The following POLD1 variants were observed in gnomAD, a reference collection of about 807,000 sequenced individuals.
The protein encoded by POLD1 is DNA polymerase delta 1, catalytic subunit.
A neutral mutation model predicts 129.7 loss-of-function variants in POLD1; 79 were observed. That is an observed-to-expected ratio of 0.61 (90% confidence interval 0.51 to 0.73). The LOEUF is 0.73. POLD1 is among the 30% of genes least tolerant of loss of function. The pLI is 0.00. For missense variants in POLD1, 1,338 were observed against 1,595.8 expected (o/e 0.84, Z 2.75); for synonymous variants, 714 against 683.3 (o/e 1.04, Z -0.70).
At chr19:50,416,049 C>T in intron 22 of POLD1, 1 of 581,864 alleles carries the variant, frequency 1.7e-6, no homozygotes, top group Non-Finnish European at 3.0e-6. Context: ...AGTCCCTCCC[C>T]TGTGCATACA....
intron 3 of POLD1, among the ~76,000 whole-genome samples, chr19:50,399,969 CA>C (rs1434947166): frequency 5.3e-5 from 8 of 151,650 alleles, no homozygotes; most frequent in Admixed American, 1.3e-4. Flanking sequence ...TGCACACCAC[CA>C]TGCCTGGCTA....
At chr19:50,405,965 G>A (rs750980579) in intron 10 of POLD1, among the ~76,000 whole-genome samples, 3 of 152,102 alleles carry the variant, frequency 2.0e-5, no homozygotes, top group South Asian at 2.1e-4. Flanking sequence ...CCTGACTCTC[G>A]CTATCCCAGC....
rs750085275 is a variant in POLD1 at position 50,413,884 on chromosome 19, G to A, written c.2388+5G>A. 4.4e-5 allele frequency: 70 copies of A among 1,593,864 alleles called. No homozygotes were observed. In the Middle Eastern group the frequency reaches 6.7e-4, roughly 15 times the overall value. ...ATCCGGCTGGAGTTTGAGAAGGTGC[G>A]TGGCTGGGTCAGGGGCTCTGCATTT... is the stretch of plus-strand genomic sequence containing the variant. On this transcript the variant is annotated splice_donor_5th_base_variant and intron_variant, in intron 19 of 26. Coordinates refer to ENST00000440232, the MANE Select transcript of POLD1 (RefSeq NM_002691.4).
In POLD1 at chr19:50,398,839, C is replaced by G. The variant is rs778338383; in HGVS notation, c.-1-12C>G. The G allele has an allele frequency of 1.2e-6, 2 of 1,607,370 alleles. No individual in the cohort carries two copies. The highest frequency in any genetic ancestry group is 8.5e-7 in the Non-Finnish European group (1 of 1,178,496). ...GGTCAGAACCTCCACCAAGCTCCAA[C>G]TTGCCCAGCAGGATGGATGGCAAGC... is the stretch of plus-strand genomic sequence containing the variant. On this transcript the variant is annotated splice_polypyrimidine_tract_variant and intron_variant, in intron 1 of 26. Coordinates refer to ENST00000440232, the MANE Select transcript of POLD1 (RefSeq NM_002691.4).
At chr19:50,403,429 C>A in intron 9 of POLD1, 64 bp from the exon 10 acceptor site, 2 of 1,328,486 alleles carry the variant, frequency 1.5e-6, no homozygotes, top group Non-Finnish European at 2.2e-6. Flanking sequence ...CTAGAACATT[C>A]TGGAAGTAGG....
rs369444765 is a variant in POLD1 at position 50,414,880 on chromosome 19, C to T, written c.2454C>T (p.Pro818=). The change falls in exon 20 of 27, where the codon CCC becomes CCT. Residue 818 remains proline (P), a synonymous_variant. Coordinates refer to ENST00000440232, the MANE Select transcript of POLD1 (RefSeq NM_002691.4). ...CGGGCCTGCTCTTCTCCTCCCGGCC[C>T]GACGCCCACGACCGCATGGACTGCA... is the stretch of plus-strand genomic sequence containing the variant. The part of the protein sequence containing the change: ...RYAGLLFSSR[P]DAHDRMDCKG... The T allele has an allele frequency of 2.4e-5, 38 of 1,607,824 alleles. No individual in the cohort carries two copies. The highest frequency in any genetic ancestry group is 4.5e-5 in the East Asian group (2 of 44,526).
chr19:50,384,672 G>T (rs921008474), intron 1 of POLD1, among the ~76,000 whole-genome samples: 2 of 152,184 alleles, frequency 1.3e-5, no homozygotes, highest in Non-Finnish European at 2.9e-5. Context: ...GGTGGTGCAC[G>T]TGCGGGCTTG....
At chr19:50,391,382 CGCCACTGCACTCCA>C (rs2038161299) in intron 1 of POLD1, among the ~76,000 whole-genome samples, 1 of 151,936 alleles carries the variant, frequency 6.6e-6, no homozygotes, top group South Asian at 2.1e-4. Context: ...GCCGAGATCA[CGCCACTGCACTCCA>C]GCCTGGGCAC....
intron 24 of POLD1, 94 bp downstream of exon 24, chr19:50,416,817 C>A (rs977325149): frequency 8.9e-5 from 97 of 1,088,492 alleles, no homozygotes; most frequent in Non-Finnish European, 1.2e-4. Context: ...CTGGCACTGC[C>A]ACCCAGTGGG....
In POLD1 at chr19:50,389,341, C is replaced by T. The variant is rs759606520; in HGVS notation, c.-2+4951C>T. 2.0e-4 allele frequency among the ~76,000 whole-genome samples: 30 copies of T among 151,996 alleles called. 1 individual carries two copies. Among genetic ancestry groups the T allele is most frequent in the Non-Finnish European group, 3.8e-4 (26 of 67,980 alleles). On this transcript the variant is annotated intron_variant, in intron 1 of 26. Coordinates refer to ENST00000440232, the MANE Select transcript of POLD1 (RefSeq NM_002691.4). ...GTCACCATGTTGCCTAGGCTGATCT[C>T]AAACTCCTGGGTTCAAGCAATCCCC... is the stretch of plus-strand genomic sequence containing the variant.
chr19:50,400,983 A>G (rs1339937875), intron 3 of POLD1, among the ~76,000 whole-genome samples: 1 of 151,554 alleles, frequency 6.6e-6, no homozygotes. Flanking sequence ...GGCTTGAGCC[A>G]CCGCGCCCGG....
chr19:50,416,352 GC>G, intron 22 of POLD1, 43 bp from the exon 23 acceptor site: 1 of 1,542,560 alleles, frequency 6.5e-7, no homozygotes, highest in Non-Finnish European at 8.7e-7. Flanking sequence ...CCACCCCGGT[GC>G]CCTTTCCCTG....
Position 50,403,632 on chromosome 19 carries a change from T to C in POLD1, c.1242+35T>C, listed in dbSNP as rs753579314. 7.2e-7 allele frequency: 1 copy of C among 1,388,902 alleles called. No homozygotes were observed. Among genetic ancestry groups the C allele is most frequent in the Non-Finnish European group, 1.0e-6 (1 of 974,714 alleles). The allele number at this position is 1,388,902 out of a possible 1,614,324, so 86.0% of individuals were successfully genotyped here. On this transcript the variant is annotated intron_variant, in intron 10 of 26. Coordinates refer to ENST00000440232, the MANE Select transcript of POLD1 (RefSeq NM_002691.4). Reference sequence around the variant, plus strand: ...GGGCAGGTGGGAGGCTTCTCTCAGATGCCCCAGGTGTGGCCTCCGGGCCCT... The same window carrying C: ...GGGCAGGTGGGAGGCTTCTCTCAGACGCCCCAGGTGTGGCCTCCGGGCCCT...
intron 8 of POLD1, 25 bp downstream of exon 8, chr19:50,402,766 G>A (rs1286440204): frequency 1.3e-6 from 2 of 1,566,364 alleles, no homozygotes; most frequent in South Asian, 1.2e-5. Context: ...CCGGGCTCCT[G>A]CCCGCCTCAT....
In POLD1 at chr19:50,391,142, C is replaced by T. The variant is rs183546935; in HGVS notation, c.-2+6752C>T. On this transcript the variant is annotated intron_variant, in intron 1 of 26. Transcript: ENST00000440232. ...GGCGCTCCTCACATCCCAGACGGGG[C>T]GTCGGGGCAGAGGCGCTCCCCACAT... is the stretch of plus-strand genomic sequence containing the variant. Among the ~76,000 whole-genome samples the T allele has an allele frequency of 4.7e-3, 704 of 149,248 alleles. 12 individuals carry two copies. Among genetic ancestry groups the T allele is most frequent in the African/African-American group, 0.017 (657 of 39,582 alleles).
chr19:50,416,551 G>T, intron 23 of POLD1, 23 bp downstream of exon 23: 1 of 1,548,002 alleles, frequency 6.5e-7, no homozygotes. Flanking sequence ...CAGGGGACTG[G>T]GGGCACCCTG....
At chr19:50,398,310 G>T (rs1615970) in intron 1 of POLD1, among the ~76,000 whole-genome samples, 33,380 of 151,908 alleles carry the variant, frequency 0.22, 4,724 homozygotes, top group East Asian at 0.7. Context: ...GGAGACTCAG[G>T]CCTGTAATCT....
At chr19:50,408,710 G>A (rs765090923) in intron 14 of POLD1, 75 bp from the exon 15 acceptor site, 11 of 1,567,792 alleles carry the variant, frequency 7.0e-6, no homozygotes, top group African/African-American at 1.4e-5. Context: ...TTTAAAGGGT[G>A]AGGCCACAAG....
chr19:50,415,253 G>A (rs368083641), intron 20 of POLD1, among the ~76,000 whole-genome samples, 185 bp from the exon 21 acceptor site: 29 of 152,274 alleles, frequency 1.9e-4, no homozygotes, highest in Non-Finnish European at 4.0e-4. Context: ...GGAAAGAGTC[G>A]GCTTGGGCAG....
Sources: allele counts gnomAD v4.1 joint callset (sites outside exome capture counted in the v4.1 genomes callset), GRCh38; gene constraint gnomAD v4.1.1; transcripts MANE v1.5; gene names NCBI Gene and HGNC (gene_info 2026-07-23, HGNC 2026-07-21).